Variants in LAMA2 observed in about 807,000 individuals in gnomAD.
LAMA2 encodes laminin subunit alpha 2.
A neutral mutation model predicts 364.8 loss-of-function variants in LAMA2; 269 were observed. The ratio of observed to expected loss-of-function variants is 0.74; its 90% CI spans 0.67 to 0.82. The LOEUF is 0.82. Ranked by LOEUF, LAMA2 falls within the 40% of genes least tolerant of loss-of-function variation. The pLI is 0.00. For synonymous variants in LAMA2, 1,379 were observed against 1,370.6 expected (o/e 1.01, Z -0.14); for missense variants, 3,807 against 3,873.2 (o/e 0.98, Z 0.45).
intron 45 of LAMA2, among the ~76,000 whole-genome samples, chr6:129,450,121 G>T (rs1052465139): frequency 2.0e-5 from 3 of 150,184 alleles, no homozygotes; most frequent in African/African-American, 7.3e-5. Flanking sequence ...TTACACTTTG[G>T]CAACCCCCTT....
At chr6:128,894,557 G>A (rs34925160) in intron 1 of LAMA2, among the ~76,000 whole-genome samples, 14,460 of 152,078 alleles carry the variant, frequency 0.095, 712 homozygotes, top group South Asian at 0.12. Context: ...GGTATTCCAC[G>A]AAAAAAGTGG....
In LAMA2 at chr6:129,438,693, G is replaced by A; in HGVS notation, c.6016G>A (p.Asp2006Asn). The change falls in exon 42 of 65, where the codon GAT becomes AAT. Residue 2006 changes from aspartate to asparagine, a missense_variant. Transcript: ENST00000421865. ...NGLKTRIENADARNGDLLRTL... is the reference protein window; with the variant it reads ...NGLKTRIENANARNGDLLRTL... ...CTTAAAAACCAGGATAGAAAATGCT[G>A]ATGCTAGAAATGGGGATCTCTTGAG... The A allele has an allele frequency of 1.2e-6, 2 of 1,610,170 alleles. No individual in the cohort carries two copies. The highest frequency in any genetic ancestry group is 1.1e-5 in the South Asian group (1 of 91,000).
intron 1 of LAMA2, among the ~76,000 whole-genome samples, chr6:128,931,477 T>C (rs1350104000): frequency 6.7e-6 from 1 of 149,786 alleles, no homozygotes; most frequent in African/African-American, 2.5e-5. Context: ...AAAACTACCG[T>C]TTTTTTCTTC....
At chr6:129,363,399 C>T (rs1777580222) in intron 32 of LAMA2, among the ~76,000 whole-genome samples, 1 of 151,840 alleles carries the variant, frequency 6.6e-6, no homozygotes, top group Admixed American at 6.6e-5. Flanking sequence ...AGAGCCCAGG[C>T]ATCTGTATTT....
Position 129,418,032 on chromosome 6 carries a change from A to ATGGCTCCCACTTGTTCC in LAMA2, c.5866-9709_5866-9693dup, listed in dbSNP as rs566485546. The stretch of plus-strand genomic sequence containing the variant: ...CCCCACCTTCAACTCGGAAGGGGAC[A>ATGGCTCCCACTTGTTCC]TGGCTCCCACTTGTTCCTGGCTCCC... On this transcript the variant is annotated intron_variant, in intron 40 of 64. Coordinates refer to ENST00000421865, the MANE Select transcript of LAMA2 (RefSeq NM_000426.4). 3.4e-3 allele frequency among the ~76,000 whole-genome samples: 513 copies of ATGGCTCCCACTTGTTCC among 152,192 alleles called. 5 individuals are homozygous for ATGGCTCCCACTTGTTCC. The highest frequency in any genetic ancestry group is 0.012 in the African/African-American group (496 of 41,496).
chr6:129,009,124 G>A (rs1582864175), intron 1 of LAMA2, among the ~76,000 whole-genome samples: 1 of 152,198 alleles, frequency 6.6e-6, no homozygotes, highest in African/African-American at 2.4e-5. Flanking sequence ...TGGTCATGGG[G>A]AAATGGTCCT....
intron 12 of LAMA2, among the ~76,000 whole-genome samples, chr6:129,216,138 A>G (rs1330671767): frequency 6.6e-6 from 1 of 152,212 alleles, no homozygotes; most frequent in African/African-American, 2.4e-5. Flanking sequence ...CAACTAGGAC[A>G]TACAATCTCT....
intron 40 of LAMA2, among the ~76,000 whole-genome samples, chr6:129,406,201 A>G (rs777063837): frequency 1.3e-5 from 2 of 152,224 alleles, no homozygotes; most frequent in African/African-American, 2.4e-5. Context: ...GTCTTCCTAT[A>G]TATAAACACA....
chr6:129,178,086 G>C (rs566773414), intron 10 of LAMA2, among the ~76,000 whole-genome samples: 3 of 152,166 alleles, frequency 2.0e-5, no homozygotes, highest in South Asian at 2.1e-4. Context: ...ACGTTTAAAG[G>C]CTTGTTATTT....
At chr6:129,193,296 GT>G (rs1277689570) in intron 12 of LAMA2, among the ~76,000 whole-genome samples, 2 of 152,202 alleles carry the variant, frequency 1.3e-5, no homozygotes, top group Non-Finnish European at 2.9e-5. Flanking sequence ...TGATATGAAT[GT>G]TAATTGGAAA....
chr6:128,895,468 T>TAAA (rs34458994), intron 1 of LAMA2, among the ~76,000 whole-genome samples: 19 of 65,726 alleles, frequency 2.9e-4, no homozygotes, highest in Non-Finnish European at 4.3e-4. Context: ...CTGTCTCTAC[T>TAAA]AAAAAAAAAA....
At chr6:129,427,106 G>A (rs1781360245) in intron 40 of LAMA2, among the ~76,000 whole-genome samples, 1 of 152,190 alleles carries the variant, frequency 6.6e-6, no homozygotes, top group Non-Finnish European at 1.5e-5. Flanking sequence ...TTAACTTTGT[G>A]TCACCTTTTT....
intron 44 of LAMA2, among the ~76,000 whole-genome samples, chr6:129,444,595 A>G (rs1335360654): frequency 6.6e-6 from 1 of 152,214 alleles, no homozygotes; most frequent in Non-Finnish European, 1.5e-5. Context: ...AATGCCGCTA[A>G]CAGCATAAGT....
Position 129,287,916 on chromosome 6 carries a change from C to T in LAMA2, c.2607C>T (p.Asp869=). The part of the protein sequence containing the change: ...GGSCQPCQCN[D]NLDFSIPGSC... ...CATGTCAGCCATGCCAATGCAATGACAACCTTGACTTCTCCATCCCTGGCA... is the reference window on the plus strand; with the variant it reads ...CATGTCAGCCATGCCAATGCAATGATAACCTTGACTTCTCCATCCCTGGCA... The change falls in exon 19 of 65, where the codon GAC becomes GAT. Residue 869 remains aspartate (D), a synonymous_variant. Transcript: ENST00000421865. 1.2e-6 allele frequency: 2 copies of T among 1,614,124 alleles called. No individual in the cohort carries two copies. The highest frequency in any genetic ancestry group is 1.7e-6 in the Non-Finnish European group (2 of 1,179,984).
intron 12 of LAMA2, among the ~76,000 whole-genome samples, chr6:129,216,752 T>C (rs1222268426): frequency 2.6e-5 from 4 of 152,202 alleles, no homozygotes; most frequent in Non-Finnish European, 5.9e-5. Flanking sequence ...TGATTTTTGT[T>C]GCACAATTAG....
chr6:129,388,091 C>A (rs1583632559), intron 35 of LAMA2, among the ~76,000 whole-genome samples: 2 of 151,192 alleles, frequency 1.3e-5, no homozygotes, highest in East Asian at 3.9e-4. Flanking sequence ...AACCCCATCT[C>A]TACTAAAAAT....
chr6:129,471,528 C>T (rs1783810992), intron 51 of LAMA2, among the ~76,000 whole-genome samples: 2 of 151,800 alleles, frequency 1.3e-5, no homozygotes, highest in South Asian at 4.2e-4. Context: ...ATTAAAATAC[C>T]CACCAAGTCT....
intron 1 of LAMA2, among the ~76,000 whole-genome samples, chr6:128,936,555 A>G (rs1034092101): frequency 6.6e-6 from 1 of 152,162 alleles, no homozygotes; most frequent in Non-Finnish European, 1.5e-5. Context: ...ACCTACATAT[A>G]GTATGCTTTT....
intron 1 of LAMA2, among the ~76,000 whole-genome samples, chr6:128,934,496 CT>C (rs541227934): frequency 6.9e-6 from 1 of 144,410 alleles, no homozygotes; most frequent in Non-Finnish European, 1.6e-5. Flanking sequence ...CATTTTCTTT[CT>C]TTTTTTCTTT....
Sources: allele counts gnomAD v4.1 joint callset (sites outside exome capture counted in the v4.1 genomes callset), GRCh38; gene constraint gnomAD v4.1.1; transcripts MANE v1.5; gene names NCBI Gene and HGNC (gene_info 2026-07-23, HGNC 2026-07-21).